The following CDH12 variants were observed in gnomAD, a reference collection of about 807,000 sequenced individuals.
CDH12 encodes the protein cadherin 12.
In CDH12, 41 loss-of-function variants were observed where a neutral mutation model predicts 74.1. The observed-to-expected ratio is 0.55, with a 90% CI of 0.43 to 0.72. The LOEUF (loss-of-function observed/expected upper bound fraction) is 0.72, where lower values mean the gene tolerates loss of function less well. Among genes scored for constraint, CDH12 ranks in the 30% least tolerant of loss-of-function variants. The pLI, the probability that CDH12 is intolerant of heterozygous loss-of-function variation, is 0.00. For synonymous variants in CDH12, 399 were observed against 355.0 expected, an observed-to-expected ratio of 1.12 and a Z score of -1.39; for missense variants, 945 against 977.2, an observed-to-expected ratio of 0.97 and a Z score of 0.44.
intron 4 of CDH12, among the ~76,000 whole-genome samples, chr5:22,136,556 T>C (rs1464770029): frequency 6.6e-6 from 1 of 151,510 alleles, no homozygotes; most frequent in African/African-American, 2.4e-5. Context: ...GAAGAACTTG[T>C]ATGCCTAATT....
At chr5:22,710,491 T>C (rs1743231897) in intron 1 of CDH12, among the ~76,000 whole-genome samples, 1 of 152,176 alleles carries the variant, frequency 6.6e-6, no homozygotes, top group Admixed American at 6.5e-5. Flanking sequence ...ATGAAGTTTC[T>C]ACCATGTGCA....
chr5:21,980,049 A>AT (rs1757241176), intron 5 of CDH12, among the ~76,000 whole-genome samples: 5 of 151,312 alleles, frequency 3.3e-5, no homozygotes, highest in Admixed American at 3.3e-4. Flanking sequence ...GATGATGAGC[A>AT]TTTTTTCATG....
At chr5:22,202,169 CCCTT>C (rs1347338743) in intron 4 of CDH12, among the ~76,000 whole-genome samples, 857 of 82,148 alleles carry the variant, frequency 0.01, 15 homozygotes, top group African/African-American at 0.035. Flanking sequence ...CTTCCTTCCT[CCCTT>C]CCTTCCTTCC....
At chr5:21,832,585 T>C (rs1455098314) in intron 8 of CDH12, among the ~76,000 whole-genome samples, 1 of 151,174 alleles carries the variant, frequency 6.6e-6, no homozygotes, top group East Asian at 1.9e-4. Flanking sequence ...TTAGTTAGTT[T>C]AAAATGAATA....
intron 1 of CDH12, among the ~76,000 whole-genome samples, chr5:22,822,112 A>T (rs1243638888): frequency 6.6e-6 from 1 of 152,228 alleles, no homozygotes; most frequent in East Asian, 1.9e-4. Context: ...GACAAATCTG[A>T]CAAAAACAAG....
At chr5:21,800,990 C>G (rs1443037656) in intron 10 of CDH12, among the ~76,000 whole-genome samples, 1 of 152,182 alleles carries the variant, frequency 6.6e-6, no homozygotes, top group African/African-American at 2.4e-5. Flanking sequence ...ATTACCCAGT[C>G]TCAGGGTGGT....
chr5:21,760,707 C>A, intron 12 of CDH12, 32 bp from the exon 13 acceptor site: 1 of 1,320,128 alleles, frequency 7.6e-7, no homozygotes. Context: ...AGTCGGTCAT[C>A]AGTTTCAAAG....
intron 1 of CDH12, among the ~76,000 whole-genome samples, chr5:22,769,749 G>A (rs1402007594): frequency 6.6e-6 from 1 of 151,902 alleles, no homozygotes; most frequent in Non-Finnish European, 1.5e-5. Context: ...TATAATGGGG[G>A]AGTGGGGTGG....
chr5:22,384,490 C>T (rs1466242437), intron 3 of CDH12, among the ~76,000 whole-genome samples: 1 of 139,540 alleles, frequency 7.2e-6, no homozygotes, highest in African/African-American at 2.7e-5. Flanking sequence ...TGCACCACTG[C>T]ACTCCCGCCT....
In CDH12 at chr5:22,198,690, C is replaced by A. The variant is rs569362780; in HGVS notation, c.-187+13808G>T. On this transcript the variant is annotated intron_variant, in intron 4 of 14. Transcript: ENST00000382254. ...AGTGATTTATGCACAAAACTCAAGG[C>A]AGGTATTTGAATGCATCTTACACTT... is the stretch of plus-strand genomic sequence containing the variant. Among the ~76,000 whole-genome samples, 21 of 152,166 alleles carry A rather than the reference C, an allele frequency of 1.4e-4. No homozygotes were observed. The South Asian group carries it at 4.4e-3, about 32-fold the overall frequency.
At chr5:21,798,276 TGTG>T (rs1746907073) in intron 10 of CDH12, among the ~76,000 whole-genome samples, 1 of 151,180 alleles carries the variant, frequency 6.6e-6, no homozygotes, top group Non-Finnish European at 1.5e-5. Flanking sequence ...TGTGTGTGTG[TGTG>T]TGTCTGCATA....
intron 9 of CDH12, among the ~76,000 whole-genome samples, chr5:21,812,358 T>C (rs1747795241): frequency 6.6e-6 from 1 of 152,138 alleles, no homozygotes; most frequent in South Asian, 2.1e-4. Context: ...AATTCTTGTA[T>C]TGCAATATTG....
intron 1 of CDH12, among the ~76,000 whole-genome samples, chr5:22,515,457 T>C (rs879392672): frequency 6.6e-6 from 1 of 152,122 alleles, no homozygotes; most frequent in Non-Finnish European, 1.5e-5. Flanking sequence ...GAAAGAAATA[T>C]TGATCAATGA....
At chr5:22,012,989 A>G (rs1425277321) in intron 5 of CDH12, among the ~76,000 whole-genome samples, 1 of 147,194 alleles carries the variant, frequency 6.8e-6, no homozygotes, top group African/African-American at 2.5e-5. Context: ...ATAAATAAAC[A>G]TGGAAATTGT....
intron 1 of CDH12, among the ~76,000 whole-genome samples, chr5:22,612,005 A>T (rs1737428507): frequency 6.6e-6 from 1 of 152,146 alleles, no homozygotes; most frequent in Admixed American, 6.6e-5. Flanking sequence ...TTGAATTCTG[A>T]ATGGAATTCG....
At chr5:21,779,984 C>T (rs987850067) in intron 11 of CDH12, among the ~76,000 whole-genome samples, 1 of 152,086 alleles carries the variant, frequency 6.6e-6, no homozygotes, top group African/African-American at 2.4e-5. Flanking sequence ...TACCCGATTT[C>T]CTTTATGGTT....
Position 22,170,734 on chromosome 5 carries a change from C to T in CDH12, c.-187+41764G>A, listed in dbSNP as rs112782514. On this transcript the variant is annotated intron_variant, in intron 4 of 14. Coordinates refer to ENST00000382254, the MANE Select transcript of CDH12 (RefSeq NM_004061.5). ...CATTGTACAATCTAACCTCTGGCAG[C>T]AGAATCACGAATTCACTGAATTTGG... Among the ~76,000 whole-genome samples, 1,028 of 151,938 alleles carry T rather than the reference C, an allele frequency of 6.8e-3. 7 individuals are homozygous for T. Among genetic ancestry groups the T allele is most frequent in the Admixed American group, 0.012 (184 of 15,222 alleles).
intron 2 of CDH12, among the ~76,000 whole-genome samples, chr5:22,421,965 G>C (rs992862840): frequency 2.0e-5 from 3 of 151,964 alleles, no homozygotes; most frequent in African/African-American, 7.2e-5. Context: ...TTCATATGTT[G>C]GTTGGCTGCA....
At chr5:21,783,003 A>G (rs1389391902) in intron 11 of CDH12, among the ~76,000 whole-genome samples, 1 of 152,132 alleles carries the variant, frequency 6.6e-6, no homozygotes, top group African/African-American at 2.4e-5. Context: ...TTTACATGAT[A>G]ATTATTTCCC....
Sources: gnomAD v4.1 joint callset for allele counts (sites outside exome capture counted in the v4.1 genomes callset) on GRCh38, gnomAD v4.1.1 for gene constraint, MANE v1.5 for transcripts, NCBI Gene and HGNC (gene_info 2026-07-23, HGNC 2026-07-21) for gene names.